PCDH15: variants seen among roughly 807,000 people sequenced by gnomAD.
The protein encoded by PCDH15 is protocadherin related 15.
In PCDH15, 129 loss-of-function variants were observed where a neutral mutation model predicts 178.5. The ratio of observed to expected loss-of-function variants is 0.72; its 90% CI spans 0.63 to 0.84. The LOEUF is 0.84. Ranked by LOEUF, PCDH15 falls within the 40% of genes least tolerant of loss-of-function variation. PCDH15 has a pLI of 0.00. For synonymous variants in PCDH15, 800 were observed against 732.0 expected, an observed-to-expected ratio of 1.09 and a Z score of -1.50; for missense variants, 2,230 against 2,099.9, an observed-to-expected ratio of 1.06 and a Z score of -1.21.
At chr10:53,949,020 G>T (rs947759102) in intron 23 of PCDH15, among the ~76,000 whole-genome samples, 6 of 152,146 alleles carry the variant, frequency 3.9e-5, no homozygotes, top group African/African-American at 1.4e-4. Flanking sequence ...AAAAGTTTGT[G>T]CTAAATTCTA....
At chr10:54,342,593 T>C (rs1045024782) in intron 6 of PCDH15, among the ~76,000 whole-genome samples, 1 of 120,286 alleles carries the variant, frequency 8.3e-6, no homozygotes, top group African/African-American at 3.7e-5. Context: ...CACTTGGGAC[T>C]GCCTAGTGGA....
chr10:54,746,607 C>T (rs1451808905), intron 1 of PCDH15, among the ~76,000 whole-genome samples: 1 of 151,958 alleles, frequency 6.6e-6, no homozygotes, highest in Non-Finnish European at 1.5e-5. Context: ...TATTATGTAT[C>T]CACAAAAATT....
At chr10:55,454,422 C>A (rs376397717) in intron 2 of PCDH15, among the ~76,000 whole-genome samples, 90 of 151,948 alleles carry the variant, frequency 5.9e-4, no homozygotes, top group African/African-American at 2.1e-3. Flanking sequence ...TAAAAAAAAT[C>A]GAATTGTAAT....
chr10:55,035,448 G>T (rs1201540614), intron 2 of PCDH15, among the ~76,000 whole-genome samples: 2 of 151,902 alleles, frequency 1.3e-5, no homozygotes, highest in Admixed American at 1.3e-4. Flanking sequence ...TTAAGGCCCA[G>T]TTCATATTAT....
chr10:54,978,579 C>T (rs531288595), intron 2 of PCDH15, among the ~76,000 whole-genome samples: 2 of 152,140 alleles, frequency 1.3e-5, no homozygotes, highest in South Asian at 2.1e-4. Flanking sequence ...GGGAAATTTA[C>T]ATCTATGAAG....
chr10:55,446,294 T>C (rs1839314221), intron 2 of PCDH15, among the ~76,000 whole-genome samples: 1 of 137,750 alleles, frequency 7.3e-6, no homozygotes, highest in African/African-American at 3.0e-5. Flanking sequence ...CTCAAATATA[T>C]AGAGAGATAG....
intron 2 of PCDH15, among the ~76,000 whole-genome samples, chr10:55,345,302 T>G (rs1844722081): frequency 6.6e-6 from 1 of 152,018 alleles, no homozygotes; most frequent in Non-Finnish European, 1.5e-5. Flanking sequence ...GTATACCCAT[T>G]CATGGTGATG....
intron 3 of PCDH15, among the ~76,000 whole-genome samples, chr10:54,896,513 GAAA>G (rs58802302): frequency 6.7e-6 from 1 of 149,376 alleles, no homozygotes; most frequent in Non-Finnish European, 1.5e-5. Flanking sequence ...TTTCCCAGCG[GAAA>G]AAAAAAAAAT....
At chr10:54,108,930 G>T (rs1413410522) in intron 15 of PCDH15, among the ~76,000 whole-genome samples, 1 of 152,052 alleles carries the variant, frequency 6.6e-6, no homozygotes, top group African/African-American at 2.4e-5. Context: ...ACCCAGTCCT[G>T]GTAGGACCCA....
At chr10:54,379,288 T>G (rs1948880290) in intron 3 of PCDH15, among the ~76,000 whole-genome samples, 1 of 152,154 alleles carries the variant, frequency 6.6e-6, no homozygotes, top group Admixed American at 6.6e-5. Flanking sequence ...ATGCCTGTAA[T>G]AGCAGAGTCT....
intron 26 of PCDH15, among the ~76,000 whole-genome samples, chr10:53,897,832 T>A (rs1046542312): frequency 6.6e-6 from 1 of 152,186 alleles, no homozygotes; most frequent in Non-Finnish European, 1.5e-5. Context: ...ATGTCCTCAT[T>A]AATCCATGAT....
At chr10:54,400,086 A>G (rs1951745662) in intron 3 of PCDH15, among the ~76,000 whole-genome samples, 1 of 152,100 alleles carries the variant, frequency 6.6e-6, no homozygotes, top group African/African-American at 2.4e-5. Context: ...GGATGCCTAC[A>G]AAAGGATATC....
chr10:55,478,311 C>T (rs2132114718), intron 2 of PCDH15, among the ~76,000 whole-genome samples: 1 of 151,674 alleles, frequency 6.6e-6, no homozygotes, highest in South Asian at 2.1e-4. Context: ...GGACTCTAGA[C>T]TAAATGGACC....
chr10:55,204,235 A>C (rs1239128452), intron 1 of PCDH15, among the ~76,000 whole-genome samples: 1 of 149,598 alleles, frequency 6.7e-6, no homozygotes, highest in African/African-American at 2.4e-5. Flanking sequence ...TAATATATTC[A>C]AGGAAGACTT....
chr10:54,478,030 C>T (rs764642002), intron 3 of PCDH15, among the ~76,000 whole-genome samples: 16 of 152,118 alleles, frequency 1.1e-4, no homozygotes, highest in Middle Eastern at 6.8e-3. Flanking sequence ...TATTTATTGT[C>T]ATGTGAGATT....
chr10:54,087,752 C>A (rs2094537551), intron 16 of PCDH15, among the ~76,000 whole-genome samples: 1 of 152,182 alleles, frequency 6.6e-6, no homozygotes, highest in African/African-American at 2.4e-5. Flanking sequence ...GAATCCATGT[C>A]CTTGCCCAAA....
At chr10:54,267,454 C>CTATT (rs2057765898) in intron 8 of PCDH15, among the ~76,000 whole-genome samples, 1 of 151,828 alleles carries the variant, frequency 6.6e-6, no homozygotes, top group East Asian at 1.9e-4. Context: ...AAATAATAGA[C>CTATT]ATCCAAATAG....
intron 26 of PCDH15, among the ~76,000 whole-genome samples, chr10:53,887,604 ACAGGTC>A (rs1366745509): frequency 6.6e-6 from 1 of 152,172 alleles, no homozygotes. Flanking sequence ...AACTCATTAA[ACAGGTC>A]GGGCACGGTG....
chr10:55,090,221 T>C (rs758360455), intron 2 of PCDH15, among the ~76,000 whole-genome samples: 5 of 152,030 alleles, frequency 3.3e-5, no homozygotes, highest in Non-Finnish European at 4.4e-5. Context: ...AAGAAAAGCA[T>C]TAAACTTTTA....
Sources: allele counts gnomAD v4.1 joint callset (sites outside exome capture counted in the v4.1 genomes callset), GRCh38; gene constraint gnomAD v4.1.1; transcripts MANE v1.5; gene names NCBI Gene and HGNC (gene_info 2026-07-23, HGNC 2026-07-21).